The following CRACR2A variants were observed in gnomAD, a reference collection of about 807,000 sequenced individuals.
CRACR2A encodes calcium release activated channel regulator 2A.
In CRACR2A, 79 loss-of-function variants were observed where a neutral mutation model predicts 90.5. That is an observed-to-expected ratio of 0.87 (90% CI 0.73 to 1.05). The LOEUF (loss-of-function observed/expected upper bound fraction) is 1.05. Ranked by LOEUF, CRACR2A falls within the 50% of genes least tolerant of loss-of-function variation. The pLI is 0.00. For missense variants in CRACR2A, 823 were observed against 897.2 expected (o/e 0.92, Z 1.06); for synonymous variants, 338 against 356.7 (o/e 0.95, Z 0.59).
intron 11 of CRACR2A, among the ~76,000 whole-genome samples, chr12:3,647,034 C>T (rs907611701): frequency 1.3e-5 from 2 of 152,154 alleles, no homozygotes; most frequent in African/African-American, 4.8e-5. Context: ...TGAATCAGAT[C>T]CAGCTTCAAA....
At chr12:3,694,429 T>A (rs1470011636) in intron 4 of CRACR2A, among the ~76,000 whole-genome samples, 1 of 152,146 alleles carries the variant, frequency 6.6e-6, no homozygotes, top group South Asian at 2.1e-4. Flanking sequence ...ATGAAAAATG[T>A]GAGTTCTTTC....
chr12:3,673,530 T>C lies in CRACR2A; in HGVS notation c.587A>G (p.Asn196Ser). Residue 196 changes from asparagine (N) to serine (S), a missense_variant, in exon 7 of 20, where the codon AAC becomes AGC. By Grantham distance (46) the Asn-to-Ser change is conservative. Transcript: ENST00000440314. ...LKKEEPHLLS[N>S]FEDFLTRIIS... The stretch of plus-strand genomic sequence containing the variant: ...GATTCTGGTCAGGAAGTCTTCAAAG[T>C]TGGACAGTAAATGAGGTTCCTCCTT... 6.2e-7 allele frequency: 1 copy of C among 1,613,962 alleles called. No homozygotes were observed. The highest frequency in any genetic ancestry group is 2.2e-5 in the East Asian group (1 of 44,876).
At chr12:3,720,416 GAAGAAAGAAAGA>G (rs554793478) in intron 2 of CRACR2A, among the ~76,000 whole-genome samples, 72 of 106,710 alleles carry the variant, frequency 6.7e-4, no homozygotes, top group South Asian at 1.4e-3. Context: ...TGAGAGAGAG[GAAGAAAGAAAGA>G]AAGAAAGAAA....
chr12:3,643,778 T>TTTATATATATATTTATATAATATATA (rs1944618521), intron 12 of CRACR2A, among the ~76,000 whole-genome samples: 4 of 115,488 alleles, frequency 3.5e-5, no homozygotes, highest in Admixed American at 1.2e-4. Context: ...ATATATATAG[T>TTTATATATATATTTATATAATATATA]TTATATATAT....
At chr12:3,722,777 G>C (rs1946202817) in intron 2 of CRACR2A, among the ~76,000 whole-genome samples, 1 of 152,064 alleles carries the variant, frequency 6.6e-6, no homozygotes, top group Admixed American at 6.5e-5. Flanking sequence ...GAAATTCCTA[G>C]ACCCAGACAC....
chr12:3,642,822 G>A (rs148927250), intron 12 of CRACR2A, among the ~76,000 whole-genome samples: 92 of 152,268 alleles, frequency 6.0e-4, no homozygotes, highest in South Asian at 1.7e-3. Context: ...GAGATGAGGC[G>A]GGGGAGTTAG....
intron 7 of CRACR2A, among the ~76,000 whole-genome samples, chr12:3,668,069 C>A (rs911421027): frequency 1.3e-4 from 20 of 152,034 alleles, no homozygotes; most frequent in Non-Finnish European, 2.5e-4. Context: ...CAAATCATGC[C>A]CATGGTGTAC....
chr12:3,681,923 G>T (rs969833878), intron 4 of CRACR2A, among the ~76,000 whole-genome samples: 2 of 152,158 alleles, frequency 1.3e-5, no homozygotes, highest in African/African-American at 4.8e-5. Flanking sequence ...ATATGAATGG[G>T]CTTTTCAGAA....
intron 3 of CRACR2A, among the ~76,000 whole-genome samples, chr12:3,708,675 T>G (rs1945968035): frequency 6.6e-6 from 1 of 152,218 alleles, no homozygotes; most frequent in African/African-American, 2.4e-5. Flanking sequence ...TCCGCCGGCC[T>G]CGGCCTCCCA....
intron 1 of CRACR2A, among the ~76,000 whole-genome samples, chr12:3,743,005 T>G (rs1946551496): frequency 6.6e-6 from 1 of 152,256 alleles, no homozygotes; most frequent in Non-Finnish European, 1.5e-5. Flanking sequence ...AAGTACATAT[T>G]AATCCATTTT....
intron 3 of CRACR2A, among the ~76,000 whole-genome samples, chr12:3,699,041 A>T (rs1218332160): frequency 1.3e-5 from 2 of 152,126 alleles, no homozygotes; most frequent in African/African-American, 4.8e-5. Flanking sequence ...AGCATACTTC[A>T]TCTTATTGAA....
At chr12:3,629,033 T>C (rs1944331302) in intron 15 of CRACR2A, among the ~76,000 whole-genome samples, 1 of 152,048 alleles carries the variant, frequency 6.6e-6, no homozygotes, top group African/African-American at 2.4e-5. Flanking sequence ...GAAAGTGATT[T>C]CTCCCATTAA....
intron 7 of CRACR2A, among the ~76,000 whole-genome samples, chr12:3,666,358 T>TGC (rs57793746): frequency 2.2e-4 from 32 of 148,534 alleles, no homozygotes; most frequent in African/African-American, 6.9e-4. Flanking sequence ...TGTGTGTGCG[T>TGC]GCGTGTGCGC....
chr12:3,638,964 CTCCAACTCTTCAG>C (rs1162321486), intron 13 of CRACR2A, among the ~76,000 whole-genome samples: 26 of 152,224 alleles, frequency 1.7e-4, no homozygotes, highest in African/African-American at 6.3e-4. Context: ...AGGTAGGACA[CTCCAACTCTTCAG>C]ACCTTGCTGT....
chr12:3,748,132 TG>T (rs1413231186), intron 1 of CRACR2A, among the ~76,000 whole-genome samples: 3 of 152,170 alleles, frequency 2.0e-5, no homozygotes, highest in Non-Finnish European at 4.4e-5. Context: ...GGGACTTGCT[TG>T]GGTAAAACAC....
intron 2 of CRACR2A, chr12:3,732,511 C>T (rs1030076389): frequency 2.0e-5 from 3 of 152,372 alleles, no homozygotes; most frequent in Non-Finnish European, 4.4e-5. Flanking sequence ...CCAGGACATT[C>T]TTTAGGATGT....
rs1017413602 is a variant in CRACR2A, at chr12:3,627,683, A to G, written c.1759T>C (p.Leu587=). 1.4e-5 allele frequency: 22 copies of G among 1,551,646 alleles called. No individual in the cohort carries two copies. The highest frequency in any genetic ancestry group is 9.8e-5 in the Admixed American group (5 of 50,984). Residue 587 remains leucine, a synonymous_variant, in exon 16 of 20, where the codon TTG becomes CTG. Coordinates refer to ENST00000440314, the MANE Select transcript of CRACR2A (RefSeq NM_001144958.2). ...TVGIDYRVKT[L]NVDNSQVALQ... ...GCCACCTGAGAGTTGTCCACATTCA[A>G]CGTCTTCACACGGTAATCAATGCCT...
At chr12:3,674,545 A>ATC (rs1408338331) in intron 6 of CRACR2A, among the ~76,000 whole-genome samples, 1 of 152,220 alleles carries the variant, frequency 6.6e-6, no homozygotes, top group Non-Finnish European at 1.5e-5. Context: ...ATAAAAGTTA[A>ATC]TAATTTCTCA....
rs975029717 is a variant in CRACR2A at position 3,639,751 on chromosome 12, G to T, written c.1272-1297C>A. The stretch of plus-strand genomic sequence containing the variant: ...TATAGTGCTTGCTTGAAGAAAGGGT[G>T]AATTAGTTTGGATTCCTTGATATGA... On this transcript the variant is annotated intron_variant, in intron 13 of 19. Coordinates refer to ENST00000440314, the MANE Select transcript of CRACR2A (RefSeq NM_001144958.2). 2.6e-5 allele frequency among the ~76,000 whole-genome samples: 4 copies of T among 152,280 alleles called. 1 individual carries two copies. Among genetic ancestry groups the T allele is most frequent in the African/African-American group, 4.8e-5 (2 of 41,566 alleles).
Sources: gnomAD v4.1 joint callset for allele counts (sites outside exome capture counted in the v4.1 genomes callset) on GRCh38, gnomAD v4.1.1 for gene constraint, MANE v1.5 for transcripts, NCBI Gene and HGNC (gene_info 2026-07-23, HGNC 2026-07-21) for gene names.